Variants in RARB observed in about 807,000 individuals in gnomAD.
RARB encodes the protein HBV-activated protein.
RARB carries 17 observed loss-of-function variants against 51.9 expected under a neutral mutation model. That is an observed-to-expected ratio of 0.33 (90% CI 0.22 to 0.49). The LOEUF is 0.49. RARB is among the 20% of genes least tolerant of loss of function. The pLI is 0.99. For synonymous variants in RARB, 215 were observed against 195.4 expected (o/e 1.10, Z -0.84); for missense variants, 369 against 550.8 (o/e 0.67, Z 3.30).
At chr3:25,197,270 A>G (rs1430293770) in intron 5 of RARB, among the ~76,000 whole-genome samples, 8 of 152,172 alleles carry the variant, frequency 5.3e-5, no homozygotes, top group Non-Finnish European at 1.2e-4. Context: ...ATCCAGTTTC[A>G]GCTTTCTGCA....
intron 5 of RARB, among the ~76,000 whole-genome samples, chr3:25,353,598 T>G (rs998792031): frequency 8.1e-5 from 11 of 136,556 alleles, no homozygotes; most frequent in Admixed American, 2.2e-4. Flanking sequence ...TTTTTTTTTT[T>G]GTCTTACCCC....
intron 3 of RARB, among the ~76,000 whole-genome samples, chr3:25,532,228 A>G (rs1438680837): frequency 6.6e-6 from 1 of 152,240 alleles, no homozygotes; most frequent in Non-Finnish European, 1.5e-5. Flanking sequence ...GAATTAGTAG[A>G]GTAATATTGA....
chr3:25,535,730 A>G (rs925962103), intron 3 of RARB, among the ~76,000 whole-genome samples: 1 of 152,164 alleles, frequency 6.6e-6, no homozygotes. Flanking sequence ...TAGCAGGGAC[A>G]TGGTTGAAGC....
chr3:24,940,849 G>A (rs577086806), intron 2 of RARB, among the ~76,000 whole-genome samples: 1 of 152,280 alleles, frequency 6.6e-6, no homozygotes, highest in East Asian at 1.9e-4. Flanking sequence ...TTTTGAAGTA[G>A]TAAGCTTTCC....
chr3:25,045,625 G>GT (rs372278668), intron 2 of RARB, among the ~76,000 whole-genome samples: 4 of 152,250 alleles, frequency 2.6e-5, no homozygotes, highest in African/African-American at 7.2e-5. Flanking sequence ...TGACTGAACA[G>GT]TTTTTTTCAG....
At chr3:25,339,600 C>G (rs1705163490) in intron 5 of RARB, among the ~76,000 whole-genome samples, 1 of 143,108 alleles carries the variant, frequency 7.0e-6, no homozygotes, top group Admixed American at 7.1e-5. Flanking sequence ...TTTTTTTAAT[C>G]ACACTGTTTG....
intron 2 of RARB, among the ~76,000 whole-genome samples, chr3:24,943,912 A>G (rs1430377699): frequency 6.6e-6 from 1 of 152,214 alleles, no homozygotes; most frequent in Non-Finnish European, 1.5e-5. Context: ...ACATTCTTGC[A>G]TTTTAATTTT....
At chr3:24,869,803 T>C (rs1702913934) in intron 2 of RARB, among the ~76,000 whole-genome samples, 1 of 152,120 alleles carries the variant, frequency 6.6e-6, no homozygotes, top group South Asian at 2.1e-4. Context: ...GCAACACTCT[T>C]GAATTTTGTG....
intron 3 of RARB, among the ~76,000 whole-genome samples, chr3:25,501,886 T>A (rs1386922844): frequency 6.6e-6 from 1 of 152,216 alleles, no homozygotes; most frequent in African/African-American, 2.4e-5. Context: ...ATTTTAAAAA[T>A]ACATTAAAAA....
intron 2 of RARB, among the ~76,000 whole-genome samples, chr3:24,964,140 A>C (rs1696203952): frequency 1.3e-5 from 2 of 149,672 alleles, no homozygotes; most frequent in East Asian, 4.0e-4. Context: ...CCACCCCCCC[A>C]CCCCACATAC....
At chr3:25,238,118 A>C (rs1702345187) in intron 5 of RARB, among the ~76,000 whole-genome samples, 1 of 151,794 alleles carries the variant, frequency 6.6e-6, no homozygotes, top group Admixed American at 6.6e-5. Context: ...GTATGTTTGT[A>C]CCTATTAACC....
At chr3:25,477,173 A>G (rs1166473306) in intron 2 of RARB, among the ~76,000 whole-genome samples, 2 of 152,202 alleles carry the variant, frequency 1.3e-5, no homozygotes, top group African/African-American at 4.8e-5. Flanking sequence ...GTCAATAGGC[A>G]TCCTTTATTC....
intron 2 of RARB, among the ~76,000 whole-genome samples, chr3:24,942,773 ACTCCCC>A (rs1385845812): frequency 6.6e-6 from 1 of 151,940 alleles, no homozygotes; most frequent in Non-Finnish European, 1.5e-5. Context: ...TAGAGAAAGA[ACTCCCC>A]TAAACCAACA....
At chr3:25,427,443 A>T (rs1708026037), upstream of RARB, among the ~76,000 whole-genome samples, 1 of 152,224 alleles carries the variant, frequency 6.6e-6, no homozygotes, top group African/African-American at 2.4e-5. Flanking sequence ...GGTAAGTGGC[A>T]GACCTGGAAT....
chr3:25,177,788 C>T (rs915001685), intron 5 of RARB, among the ~76,000 whole-genome samples: 4 of 152,168 alleles, frequency 2.6e-5, no homozygotes, highest in Non-Finnish European at 5.9e-5. Context: ...ATAAAGTTGT[C>T]CTTGATGCTA....
chr3:24,848,125 T>C (rs1010210702), intron 1 of RARB, among the ~76,000 whole-genome samples: 1 of 152,218 alleles, frequency 6.6e-6, no homozygotes, highest in Non-Finnish European at 1.5e-5. Context: ...AGTGGCACAA[T>C]CTCGGCTCAT....
At chr3:25,443,563 A>G (rs1352070161) in intron 1 of RARB, among the ~76,000 whole-genome samples, 2 of 151,800 alleles carry the variant, frequency 1.3e-5, no homozygotes, top group East Asian at 3.9e-4. Context: ...CAGTGAGCCA[A>G]GATTGCACCA....
At chr3:25,334,630 TAACA>T (rs1268852069) in intron 5 of RARB, among the ~76,000 whole-genome samples, 2 of 152,124 alleles carry the variant, frequency 1.3e-5, no homozygotes, top group African/African-American at 4.8e-5. Flanking sequence ...TATACATATG[TAACA>T]AACCTGCAGG....
chr3:24,983,119 G>C (rs1696712189), intron 2 of RARB, among the ~76,000 whole-genome samples: 1 of 151,964 alleles, frequency 6.6e-6, no homozygotes, highest in African/African-American at 2.4e-5. Context: ...CCTGGTATTT[G>C]AGTTGCCAAT....
Sources: gnomAD v4.1 joint callset for allele counts (sites outside exome capture counted in the v4.1 genomes callset) on GRCh38, gnomAD v4.1.1 for gene constraint, MANE v1.5 for transcripts, NCBI Gene and HGNC (gene_info 2026-07-23, HGNC 2026-07-21) for gene names.